The following PI4KA variants were observed in gnomAD, a reference collection of about 807,000 sequenced individuals.
PI4KA encodes the protein phosphatidylinositol 4-kinase alpha.
In PI4KA, 122 loss-of-function variants were observed where a neutral mutation model predicts 271.4. The ratio of observed to expected loss-of-function variants is 0.45; its 90% CI spans 0.39 to 0.52. PI4KA has a LOEUF of 0.52. PI4KA is among the 20% of genes least tolerant of loss of function. The probability of loss-of-function intolerance (pLI) is 0.00; values close to 1 mark genes in which losing one functional copy is unlikely to be tolerated. For missense variants in PI4KA, 1,969 were observed against 2,769.1 expected, an observed-to-expected ratio of 0.71 and a Z score of 6.48; for synonymous variants, 1,041 against 1,078.8, an observed-to-expected ratio of 0.96 and a Z score of 0.69.
rs371148851 is a variant in PI4KA, at chr22:20,712,172, C to T, written c.5802+314G>A. Among the ~76,000 whole-genome samples, 55 of 152,174 alleles carry T rather than the reference C, an allele frequency of 3.6e-4. No individual in the cohort carries two copies. In the East Asian group the frequency reaches 8.9e-3, roughly 25 times the overall value. ...TCCTGGGTTCAAGCGATTCTCCTGC[C>T]TCAGCCTCCTGAGTAGCTGGGACTG... is the stretch of plus-strand genomic sequence containing the variant. On this transcript the variant is annotated intron_variant, in intron 50 of 54. Transcript: ENST00000255882.
chr22:20,818,651 C>T, intron 6 of PI4KA, 102 bp from the exon 7 acceptor site: 2 of 828,170 alleles, frequency 2.4e-6, no homozygotes, highest in Non-Finnish European at 1.8e-6. Flanking sequence ...GTTTGTACTT[C>T]AAGTTCTGGT....
At chr22:20,793,765 T>C (rs1934795633) in intron 18 of PI4KA, among the ~76,000 whole-genome samples, 1 of 152,240 alleles carries the variant, frequency 6.6e-6, no homozygotes, top group Non-Finnish European at 1.5e-5. Flanking sequence ...AAACATATAT[T>C]CTTCCCAAGT....
intron 14 of PI4KA, among the ~76,000 whole-genome samples, chr22:20,801,708 A>T (rs1308770049): frequency 1.3e-5 from 2 of 151,320 alleles, no homozygotes; most frequent in African/African-American, 4.9e-5. Context: ...ACGTGGTGCA[A>T]CCCCATCTCT....
rs139184821 is a variant in PI4KA, at chr22:20,765,016, G to A, written c.2575-66C>T. On this transcript the variant is annotated intron_variant, in intron 21 of 54. Transcript: ENST00000255882. Reference sequence around the variant, plus strand: ...CCAGGACAAACAGGTCCCAGTGGCTGGCAACATGTGTTAATAATGACAGTG... The same window carrying A: ...CCAGGACAAACAGGTCCCAGTGGCTAGCAACATGTGTTAATAATGACAGTG... 282 of 1,579,010 alleles carry A rather than the reference G, an allele frequency of 1.8e-4. 1 individual carries two copies. The East Asian group carries it at 4.9e-3, about 28-fold the overall frequency.
intron 29 of PI4KA, 133 bp from the exon 30 acceptor site, chr22:20,744,853 C>T (rs1188216833): frequency 3.5e-6 from 2 of 577,922 alleles, no homozygotes; most frequent in African/African-American, 1.9e-5. Context: ...ATCTTCACTG[C>T]TGGCAAGTTA....
At chr22:20,750,104 T>A in intron 27 of PI4KA, 110 bp from the exon 28 acceptor site, 1 of 715,444 alleles carries the variant, frequency 1.4e-6, no homozygotes, top group Non-Finnish European at 2.5e-6. Context: ...TGCTGCGCCT[T>A]AACTGGTACC....
At chr22:20,777,502 G>A (rs1450670708) in intron 19 of PI4KA, among the ~76,000 whole-genome samples, 1 of 152,150 alleles carries the variant, frequency 6.6e-6, no homozygotes, top group East Asian at 1.9e-4. Context: ...ACTGACCTGA[G>A]CCACCGCACC....
At chr22:20,799,347 G>T in intron 15 of PI4KA, 71 bp from the exon 16 acceptor site, 1 of 1,345,206 alleles carries the variant, frequency 7.4e-7, no homozygotes, top group Non-Finnish European at 1.0e-6. Flanking sequence ...AGTACCCAGA[G>T]ACTACGATCT....
chr22:20,788,366 A>C (rs1374235898), intron 19 of PI4KA, among the ~76,000 whole-genome samples: 3 of 152,220 alleles, frequency 2.0e-5, no homozygotes, highest in African/African-American at 7.2e-5. Flanking sequence ...AAAAGGGAGT[A>C]GGGACGGAAG....
intron 23 of PI4KA, among the ~76,000 whole-genome samples, chr22:20,757,490 G>C (rs1225426175): frequency 6.6e-6 from 1 of 152,104 alleles, no homozygotes; most frequent in African/African-American, 2.4e-5. Flanking sequence ...TTCAGAAAGG[G>C]ATCTGATTCG....
chr22:20,845,879 A>G (rs1021637477), intron 1 of PI4KA, among the ~76,000 whole-genome samples: 7 of 151,820 alleles, frequency 4.6e-5, no homozygotes, highest in African/African-American at 1.7e-4. Flanking sequence ...AATACAAAAT[A>G]AAAAAGATGC....
intron 7 of PI4KA, among the ~76,000 whole-genome samples, chr22:20,814,553 C>A (rs1045720974): frequency 2.0e-5 from 3 of 151,876 alleles, no homozygotes; most frequent in African/African-American, 7.3e-5. Flanking sequence ...AATTCAAGAC[C>A]AGCCTGGGCA....
In PI4KA at chr22:20,813,151, T is replaced by C. The variant is rs535106064; in HGVS notation, c.1005+207A>G. ...GGGATGCATGGGTGCCTCCCCAACA[T>C]GGTTGCTCAAGAATGAAATGAGAAA... On this transcript the variant is annotated intron_variant, in intron 8 of 54. Coordinates refer to ENST00000255882, the MANE Select transcript of PI4KA (RefSeq NM_058004.4). Among the ~76,000 whole-genome samples the C allele has an allele frequency of 2.6e-5, 4 of 152,310 alleles. No homozygotes were observed. The East Asian group carries it at 7.7e-4, about 29-fold the overall frequency.
At chr22:20,816,261 T>C (rs1921795383) in intron 7 of PI4KA, among the ~76,000 whole-genome samples, 1 of 152,004 alleles carries the variant, frequency 6.6e-6, no homozygotes, top group Admixed American at 6.6e-5. Flanking sequence ...AAAGAAGTGA[T>C]CAAATTTGCG....
At chr22:20,764,429 G>A (rs1208155254) in intron 22 of PI4KA, among the ~76,000 whole-genome samples, 2 of 152,132 alleles carry the variant, frequency 1.3e-5, no homozygotes, top group African/African-American at 2.4e-5. Flanking sequence ...ACCCCATGTC[G>A]CATTTGCTGT....
At position 20,734,721 on chromosome 22, in the gene PI4KA, C is replaced by T. The variant is rs182245198; in HGVS notation, c.3742-168G>A. 6,652 of 798,848 alleles carry T rather than the reference C, an allele frequency of 8.3e-3. 288 individuals are homozygous for T. In the African/African-American group the frequency reaches 0.099, roughly 12 times the overall value. 49.5% of individuals were successfully genotyped at this position (798,848 alleles called of 1,614,324 possible). A position where few individuals can be genotyped will look rare whatever the true frequency, so the allele number is the denominator to read the frequency against. On this transcript the variant is annotated intron_variant, in intron 32 of 54. Transcript: ENST00000255882. ...CGCCTATAGTCCCACATCCCAGGGT[C>T]ATCTGTGTCAGTGCTTGGTGTATTT...
chr22:20,847,879 A>G (rs1227454062), intron 1 of PI4KA, among the ~76,000 whole-genome samples: 1 of 152,232 alleles, frequency 6.6e-6, no homozygotes, highest in Non-Finnish European at 1.5e-5. Context: ...TGCTAAAAGT[A>G]AAGAAAACCT....
chr22:20,857,611 G>A (rs1927762804), intron 1 of PI4KA, among the ~76,000 whole-genome samples: 1 of 152,152 alleles, frequency 6.6e-6, no homozygotes, highest in Non-Finnish European at 1.5e-5. Context: ...GCACACGGGT[G>A]GGCAAAGAAA....
At chr22:20,713,945 G>C (rs1204228722) in intron 47 of PI4KA, among the ~76,000 whole-genome samples, 1 of 152,210 alleles carries the variant, frequency 6.6e-6, no homozygotes, top group Non-Finnish European at 1.5e-5. Context: ...AGTGGATTAG[G>C]ACAGTCCCTA....
Sources: allele counts gnomAD v4.1 joint callset (sites outside exome capture counted in the v4.1 genomes callset), GRCh38; gene constraint gnomAD v4.1.1; transcripts MANE v1.5; gene names NCBI Gene and HGNC (gene_info 2026-07-23, HGNC 2026-07-21).